Variants in KAZN observed in about 807,000 individuals in gnomAD.
KAZN encodes the protein kazrin.
KAZN carries 40 observed loss-of-function variants against 87.4 expected under a neutral mutation model. That is an observed-to-expected ratio of 0.46 (90% confidence interval 0.36 to 0.60). KAZN has a LOEUF of 0.60. KAZN is among the 20% of genes least tolerant of loss of function. KAZN has a pLI of 0.00. For missense variants in KAZN, 898 were observed against 1,073.9 expected, an observed-to-expected ratio of 0.84 and a Z score of 2.29; for synonymous variants, 466 against 458.3, an observed-to-expected ratio of 1.02 and a Z score of -0.22.
intron 2 of KAZN, among the ~76,000 whole-genome samples, chr1:14,579,619 C>T (rs1438979365): frequency 4.0e-5 from 6 of 149,166 alleles, no homozygotes; most frequent in Admixed American, 1.3e-4. Flanking sequence ...AGCGAGACTC[C>T]GTCTCAAAAA....
chr1:14,598,679 G>C, upstream of KAZN: 1 of 1,275,506 alleles, frequency 7.8e-7, no homozygotes, highest in Non-Finnish European at 9.8e-7. This position sits in a 1 kb window ranked among gnomAD's most constrained non-coding sequence, Gnocchi z 4.2. Flanking sequence ...GGTGGCGCGC[G>C]GTGTCCTTCT....
At chr1:14,838,349 T>A (rs71629902) in intron 1 of KAZN, among the ~76,000 whole-genome samples, 3,251 of 152,324 alleles carry the variant, frequency 0.021, 33 homozygotes, top group Non-Finnish European at 0.034. Flanking sequence ...CACGTCTGAA[T>A]GTACTTATCC....
chr1:14,385,108 G>T (rs1370486707), intron 2 of KAZN, among the ~76,000 whole-genome samples: 5 of 152,116 alleles, frequency 3.3e-5, no homozygotes, highest in African/African-American at 1.2e-4. Context: ...TTGCGTAGAG[G>T]TGTTTGTAGT....
At chr1:14,408,958 G>T (rs994309890) in intron 2 of KAZN, among the ~76,000 whole-genome samples, 4 of 152,138 alleles carry the variant, frequency 2.6e-5, no homozygotes, top group Admixed American at 2.6e-4. Context: ...TCTTGCAGAG[G>T]ATATTTAAGA....
At chr1:14,626,803 G>A (rs74359758) in intron 1 of KAZN, among the ~76,000 whole-genome samples, 3,654 of 152,120 alleles carry the variant, frequency 0.024, 90 homozygotes, top group South Asian at 0.089. Context: ...CAAAATCCTC[G>A]AAGCCTTTTC....
chr1:14,207,297 G>A (rs564971319), intron 2 of KAZN, among the ~76,000 whole-genome samples: 32 of 152,112 alleles, frequency 2.1e-4, no homozygotes, highest in East Asian at 1.9e-4. Context: ...TAAATTGCTC[G>A]GGTGATGTTA....
chr1:14,429,653 G>A (rs920633245), intron 2 of KAZN, among the ~76,000 whole-genome samples: 4 of 152,070 alleles, frequency 2.6e-5, no homozygotes, highest in Non-Finnish European at 4.4e-5. Context: ...GGAAACAAAT[G>A]GAAAGAGCCA....
chr1:14,387,135 A>G (rs1335885098), intron 2 of KAZN, among the ~76,000 whole-genome samples: 2 of 152,094 alleles, frequency 1.3e-5, no homozygotes, highest in African/African-American at 4.8e-5. Flanking sequence ...TTCTTTATGT[A>G]GTTCTCAAGC....
intron 2 of KAZN, among the ~76,000 whole-genome samples, chr1:14,383,098 T>C (rs1194726120): frequency 6.6e-6 from 1 of 152,084 alleles, no homozygotes; most frequent in East Asian, 1.9e-4. Flanking sequence ...CATGTGTTTT[T>C]TGGCTGCATA....
At chr1:14,851,355 G>A (rs527945661) in intron 1 of KAZN, among the ~76,000 whole-genome samples, 4 of 152,288 alleles carry the variant, frequency 2.6e-5, no homozygotes, top group East Asian at 1.9e-4. Flanking sequence ...TCCCTTCTGC[G>A]GTGGTGGGGA....
At chr1:14,962,604 C>T (rs1202451896) in intron 2 of KAZN, among the ~76,000 whole-genome samples, 1 of 152,216 alleles carries the variant, frequency 6.6e-6, no homozygotes, top group Admixed American at 6.5e-5. Flanking sequence ...TGCTGCTGGG[C>T]TCAGGCTGTG....
At chr1:14,311,467 A>G (rs529493810) in intron 2 of KAZN, among the ~76,000 whole-genome samples, 3 of 152,264 alleles carry the variant, frequency 2.0e-5, no homozygotes, top group Admixed American at 6.5e-5. Flanking sequence ...AAGACAGTGG[A>G]CCTTACGGGG....
intron 8 of KAZN, among the ~76,000 whole-genome samples, chr1:15,085,172 G>T (rs758306283): frequency 6.6e-6 from 1 of 152,036 alleles, no homozygotes; most frequent in Non-Finnish European, 1.5e-5. Context: ...AGAATGCAAC[G>T]CACAGAGATG....
intron 2 of KAZN, among the ~76,000 whole-genome samples, chr1:14,535,450 A>G (rs1041071234): frequency 6.6e-6 from 1 of 152,218 alleles, no homozygotes; most frequent in Non-Finnish European, 1.5e-5. Flanking sequence ...GGTGGATCAC[A>G]AGGTCAGGAG....
chr1:14,878,307 T>TG (rs528105221), intron 1 of KAZN, among the ~76,000 whole-genome samples: 5,749 of 152,036 alleles, frequency 0.038, 134 homozygotes, highest in Non-Finnish European at 0.047. Context: ...AACAGTTCTT[T>TG]GGGGGGGTGG....
chr1:14,606,523 C>T (rs889923940), intron 1 of KAZN, among the ~76,000 whole-genome samples: 4 of 152,064 alleles, frequency 2.6e-5, no homozygotes, highest in Non-Finnish European at 4.4e-5. Context: ...TCTTGGACTT[C>T]GTGTGTTTCA....
intron 1 of KAZN, among the ~76,000 whole-genome samples, chr1:13,961,184 C>CGT (rs1570395083): frequency 1.3e-5 from 2 of 152,106 alleles, no homozygotes; most frequent in East Asian, 3.9e-4. Flanking sequence ...CTGGGGTTCG[C>CGT]GTGTGTGTGG....
At chr1:14,946,264 C>T (rs544292246) in intron 1 of KAZN, 2 of 151,946 alleles carry the variant, frequency 1.3e-5, no homozygotes, top group South Asian at 2.1e-4. Flanking sequence ...GACAGTGAGT[C>T]CCCAGGTTTG....
At chr1:13,998,900 C>T (rs1475362987) in intron 1 of KAZN, among the ~76,000 whole-genome samples, 2 of 150,942 alleles carry the variant, frequency 1.3e-5, no homozygotes, top group Non-Finnish European at 2.9e-5. Flanking sequence ...CACCACAAAT[C>T]AACCGAATAT....
Sources: gnomAD v4.1 joint callset for allele counts (sites outside exome capture counted in the v4.1 genomes callset) on GRCh38, gnomAD v4.1.1 for gene constraint, Gnocchi (gnomAD v3.1) non-coding constraint, MANE v1.5 for transcripts, NCBI Gene and HGNC (gene_info 2026-07-23, HGNC 2026-07-21) for gene names.